Variants in DNAH8 observed in about 807,000 individuals in gnomAD.
The protein encoded by DNAH8 is axonemal beta dynein heavy chain 8.
DNAH8 carries 382 observed loss-of-function variants against 562.1 expected under a neutral mutation model. The ratio of observed to expected loss-of-function variants is 0.68; its 90% CI spans 0.63 to 0.74. The LOEUF (loss-of-function observed/expected upper bound fraction) is 0.74, where lower values mean the gene tolerates loss of function less well. Among genes scored for constraint, DNAH8 ranks in the 30% least tolerant of loss-of-function variants. DNAH8 has a pLI of 0.00. For synonymous variants in DNAH8, 1,881 were observed against 1,919.4 expected (o/e 0.98, Z 0.52); for missense variants, 5,203 against 5,620.4 (o/e 0.93, Z 2.37).
At chr6:38,907,400 A>T (rs531784129) in intron 63 of DNAH8, among the ~76,000 whole-genome samples, 3 of 152,330 alleles carry the variant, frequency 2.0e-5, no homozygotes, top group African/African-American at 7.2e-5. Context: ...AGGAAAGCAG[A>T]TAGATGTTTG....
Position 38,868,167 on chromosome 6 carries a change from G to A in DNAH8, c.6799G>A (p.Gly2267Arg), listed in dbSNP as rs1169872872. Residue 2267 changes from glycine (G) to arginine (R), a missense_variant, in exon 48 of 93, where the codon GGA becomes AGA. This residue lies in a region of DNAH8 where 2,176 missense variants were observed against 2,365.1 expected (regional missense o/e 0.92). Transcript: ENST00000327475. ...TAGTGAATTAAGCATTGTCATGAGA[G>A]GACTAAGAGATATGAACCTTTCCAA... Reference protein sequence around the residue: ...EDSELSIVMRGLRDMNLSKLV... With the variant: ...EDSELSIVMRRLRDMNLSKLV... The A allele has an allele frequency of 6.2e-7, 1 of 1,613,110 alleles. No individual in the cohort carries two copies. Among genetic ancestry groups the A allele is most frequent in the South Asian group, 1.1e-5 (1 of 90,798 alleles).
At chr6:38,782,248 T>G (rs1768695065) in intron 16 of DNAH8, among the ~76,000 whole-genome samples, 1 of 149,730 alleles carries the variant, frequency 6.7e-6, no homozygotes, top group Non-Finnish European at 1.5e-5. Flanking sequence ...TTTTGATTTT[T>G]AAATAAAGAA....
chr6:38,850,195 T>G, intron 37 of DNAH8, 56 bp from the exon 38 acceptor site: 1 of 1,544,242 alleles, frequency 6.5e-7, no homozygotes, highest in Admixed American at 1.8e-5. Context: ...GTGAAGACTT[T>G]GCTTTTTTTC....
At chr6:39,011,263 T>G (rs1400130896) in intron 89 of DNAH8, among the ~76,000 whole-genome samples, 1 of 152,212 alleles carries the variant, frequency 6.6e-6, no homozygotes, top group East Asian at 1.9e-4. Flanking sequence ...CAGATGACTC[T>G]GAAGCCCACC....
chr6:38,754,442 A>T (rs1016236211), intron 9 of DNAH8, among the ~76,000 whole-genome samples: 1 of 152,146 alleles, frequency 6.6e-6, no homozygotes, highest in Non-Finnish European at 1.5e-5. Flanking sequence ...TAATGGTGTT[A>T]ATTTCCATAA....
chr6:39,002,203 T>G (rs1384114222), intron 88 of DNAH8, among the ~76,000 whole-genome samples: 1 of 152,244 alleles, frequency 6.6e-6, no homozygotes, highest in African/African-American at 2.4e-5. Context: ...CAGGCTTACC[T>G]GGTGTTTCGT....
Position 38,906,392 on chromosome 6 carries a change from G to T in DNAH8, c.9333G>T (p.Leu3111Phe), listed in dbSNP as rs968838351. 1 of 1,605,238 alleles carries T rather than the reference G, an allele frequency of 6.2e-7. No individual in the cohort carries two copies. The highest frequency in any genetic ancestry group is 8.5e-7 in the Non-Finnish European group (1 of 1,176,312). The change falls in exon 63 of 93, where the codon TTG becomes TTT. Residue 3111 changes from leucine (L) to phenylalanine (F), a missense_variant. Leu to Phe is a conservative substitution (Grantham distance 22, BLOSUM62 0). Coordinates refer to ENST00000327475, the MANE Select transcript of DNAH8 (RefSeq NM_001206927.2). ...CATTTCTAGAATACCTTAACAACTT[G>T]CTATCTTCAGGGGAGGTAAGTCTCA... ...DEAFLEYLNN[L>F]LSSGEISNLF...
At chr6:38,987,251 C>T (rs2150725305) in intron 87 of DNAH8, among the ~76,000 whole-genome samples, 1 of 152,308 alleles carries the variant, frequency 6.6e-6, no homozygotes, top group East Asian at 1.9e-4. Context: ...GCCTGCTCCA[C>T]CTTCAAGAGC....
At chr6:38,844,681 T>C (rs938038368) in intron 35 of DNAH8, among the ~76,000 whole-genome samples, 4 of 152,204 alleles carry the variant, frequency 2.6e-5, no homozygotes, top group African/African-American at 9.6e-5. Context: ...TGGTACTGTC[T>C]ACCCCAGATA....
At chr6:38,994,608 A>C (rs1765010674) in intron 88 of DNAH8, among the ~76,000 whole-genome samples, 1 of 151,532 alleles carries the variant, frequency 6.6e-6, no homozygotes, top group Non-Finnish European at 1.5e-5. Context: ...TCTTTTTCAG[A>C]ATAGCAATCC....
chr6:38,787,578 C>T (rs371339455), intron 18 of DNAH8, among the ~76,000 whole-genome samples: 1 of 151,572 alleles, frequency 6.6e-6, no homozygotes, highest in Non-Finnish European at 1.5e-5. Flanking sequence ...CGCTTGTAAT[C>T]CCAGCTACTT....
chr6:38,757,001 A>G (rs1157510881), intron 10 of DNAH8, among the ~76,000 whole-genome samples: 1 of 152,154 alleles, frequency 6.6e-6, no homozygotes, highest in Non-Finnish European at 1.5e-5. Context: ...GTGTCTTTAT[A>G]GCAGCATGAT....
At chr6:38,904,070 A>T (rs1780266752) in intron 62 of DNAH8, among the ~76,000 whole-genome samples, 1 of 152,190 alleles carries the variant, frequency 6.6e-6, no homozygotes, top group Non-Finnish European at 1.5e-5. Flanking sequence ...GGGCCACTGT[A>T]ATCTTTGTCT....
At chr6:38,770,612 T>C in intron 12 of DNAH8, 53 bp downstream of exon 12, 1 of 1,479,490 alleles carries the variant, frequency 6.8e-7, no homozygotes, top group Non-Finnish European at 9.0e-7. Context: ...TTTTTGGTGA[T>C]TTTGTACTTT....
rs1391097791 is a variant in DNAH8 at position 38,935,578 on chromosome 6, T to C, written c.11458-14T>C. On this transcript the variant is annotated splice_polypyrimidine_tract_variant and intron_variant, in intron 76 of 92. Coordinates refer to ENST00000327475, the MANE Select transcript of DNAH8 (RefSeq NM_001206927.2). The stretch of plus-strand genomic sequence containing the variant: ...ATTATAGTTCCAATGTTATTTTTTG[T>C]TTTTTAATGACAGGAGTTAGAGGCT... 6.3e-7 allele frequency: 1 copy of C among 1,581,670 alleles called. No individual in the cohort carries two copies.
chr6:38,789,652 G>A, intron 18 of DNAH8, 151 bp from the exon 19 acceptor site: 1 of 563,660 alleles, frequency 1.8e-6, no homozygotes, highest in South Asian at 2.8e-5. Flanking sequence ...CAGAGAAAGT[G>A]TGGTAAATCA....
intron 8 of DNAH8, among the ~76,000 whole-genome samples, chr6:38,745,623 C>T (rs552672831): frequency 6.6e-6 from 1 of 152,252 alleles, no homozygotes; most frequent in East Asian, 1.9e-4. Context: ...TTATACTTCT[C>T]CAGGTTTTCC....
At chr6:38,932,217 C>CACACACACA (rs1554138852) in intron 76 of DNAH8, among the ~76,000 whole-genome samples, 23 of 122,648 alleles carry the variant, frequency 1.9e-4, no homozygotes, top group South Asian at 6.9e-4. Flanking sequence ...CACACACACA[C>CACACACACA]CCGTCTCTTT....
At position 38,931,932 on chromosome 6, in the gene DNAH8, C is replaced by T. The variant is rs747646794; in HGVS notation, c.11396C>T (p.Thr3799Ile). The stretch of plus-strand genomic sequence containing the variant: ...GCTAAAACGTCAGTCATTGATTTCA[C>T]TGTTACAATGAAAGGACTTGAGAAT... ...INAKTSVIDF[T>I]VTMKGLENQL... The change falls in exon 76 of 93, where the codon ACT becomes ATT. Residue 3799 changes from threonine (T) to isoleucine (I), a missense_variant. Physicochemically the swap from Thr to Ile is moderately conservative, Grantham distance 89 (BLOSUM62 -1). Coordinates refer to ENST00000327475, the MANE Select transcript of DNAH8 (RefSeq NM_001206927.2). 7 of 1,610,336 alleles carry T rather than the reference C, an allele frequency of 4.3e-6. No homozygotes were observed. Among genetic ancestry groups the T allele is most frequent in the Non-Finnish European group, 5.1e-6 (6 of 1,178,504 alleles).
Sources: allele counts gnomAD v4.1 joint callset (sites outside exome capture counted in the v4.1 genomes callset), GRCh38; gene constraint gnomAD v4.1.1; regional missense constraint gnomAD v4.1.1; transcripts MANE v1.5; gene names NCBI Gene and HGNC (gene_info 2026-07-23, HGNC 2026-07-21).